Variants in MEMO1 observed in about 807,000 individuals in gnomAD.
MEMO1 encodes the protein protein MEMO1.
Under a neutral mutation model 45.2 loss-of-function variants are expected in MEMO1, and 6 were observed. The observed-to-expected ratio is 0.13, with a 90% CI of 0.07 to 0.26. The LOEUF (loss-of-function observed/expected upper bound fraction) is 0.26, where lower values mean the gene tolerates loss of function less well. Among genes scored for constraint, MEMO1 ranks in the 10% least tolerant of loss-of-function variants. The pLI is 1.00. For synonymous variants in MEMO1, 78 were observed against 124.3 expected (o/e 0.63, Z 2.48); for missense variants, 184 against 370.5 (o/e 0.50, Z 4.13).
rs1207243094 is a variant in MEMO1 at position 31,868,282 on chromosome 2, A to C, written c.*79T>G. ...TTCAGAATCCCCCCAAACCAGGACC[A>C]GTATCGTGGTAAAGGCTAGGCTGGG... On this transcript the variant is annotated 3_prime_UTR_variant, in exon 10 of 10. Transcript: ENST00000404530. 1.5e-6 allele frequency: 2 copies of C among 1,340,592 alleles called. No individual in the cohort carries two copies. Among genetic ancestry groups the C allele is most frequent in the Non-Finnish European group, 9.6e-7 (1 of 1,038,116 alleles). The allele number at this position is 1,340,592 out of a possible 1,614,324, so 83.0% of individuals were successfully genotyped here.
chr2:31,918,714 T>C (rs2148161149), intron 5 of MEMO1, among the ~76,000 whole-genome samples: 1 of 152,284 alleles, frequency 6.6e-6, no homozygotes, highest in Admixed American at 6.5e-5. Flanking sequence ...AATTGAATAT[T>C]GTGGAACAAG....
chr2:31,910,895 T>C (rs981837642), intron 6 of MEMO1, among the ~76,000 whole-genome samples: 3 of 151,940 alleles, frequency 2.0e-5, no homozygotes, highest in African/African-American at 7.3e-5. Flanking sequence ...GTAAATTAGT[T>C]GTAAATGTAT....
intron 8 of MEMO1, among the ~76,000 whole-genome samples, chr2:31,882,722 T>C (rs1572559169): frequency 6.6e-6 from 1 of 152,170 alleles, no homozygotes; most frequent in African/African-American, 2.4e-5. Flanking sequence ...TCCTGCACAC[T>C]GTCATCATAA....
At chr2:31,958,787 G>A (rs1288284952) in intron 2 of MEMO1, among the ~76,000 whole-genome samples, 1 of 152,138 alleles carries the variant, frequency 6.6e-6, no homozygotes, top group Non-Finnish European at 1.5e-5. Flanking sequence ...GAGTAGCTGG[G>A]ACCACAGGTA....
chr2:31,945,396 G>T (rs1192776989), intron 2 of MEMO1, among the ~76,000 whole-genome samples: 6 of 152,104 alleles, frequency 3.9e-5, no homozygotes, highest in African/African-American at 1.4e-4. Flanking sequence ...GAATCAGAGG[G>T]TGTACTCTTC....
At chr2:31,921,737 A>AT (rs1281594760) in intron 4 of MEMO1, among the ~76,000 whole-genome samples, 2 of 152,174 alleles carry the variant, frequency 1.3e-5, no homozygotes, top group African/African-American at 4.8e-5. Context: ...AGCTATTTCC[A>AT]TATTTCTTCC....
intron 6 of MEMO1, among the ~76,000 whole-genome samples, chr2:31,908,975 T>C (rs902287540): frequency 3.3e-5 from 5 of 152,230 alleles, no homozygotes; most frequent in Non-Finnish European, 5.9e-5. Flanking sequence ...TTATAGAATG[T>C]GTCTCCTCTC....
intron 6 of MEMO1, among the ~76,000 whole-genome samples, chr2:31,915,237 T>C (rs1362343746): frequency 1.3e-5 from 2 of 152,124 alleles, no homozygotes; most frequent in Admixed American, 6.5e-5. Context: ...CCTAGGGTCA[T>C]AGCAAGTAAG....
At chr2:31,959,354 G>A (rs996487706) in intron 2 of MEMO1, among the ~76,000 whole-genome samples, 1 of 152,120 alleles carries the variant, frequency 6.6e-6, no homozygotes, top group African/African-American at 2.4e-5. Flanking sequence ...GGGCAGAGAA[G>A]TAAGAAGTTG....
intron 2 of MEMO1, among the ~76,000 whole-genome samples, chr2:31,967,131 T>A (rs1448262126): frequency 6.6e-6 from 1 of 151,718 alleles, no homozygotes; most frequent in East Asian, 1.9e-4. Context: ...TTTATTTTTT[T>A]TTTTTTTTTG....
intron 5 of MEMO1, among the ~76,000 whole-genome samples, chr2:31,918,729 A>C (rs1315413008): frequency 6.6e-6 from 1 of 152,194 alleles, no homozygotes; most frequent in Non-Finnish European, 1.5e-5. Flanking sequence ...AACAAGAAAA[A>C]GATAAAAGTT....
intron 8 of MEMO1, among the ~76,000 whole-genome samples, chr2:31,876,721 CTAAA>C (rs972315039): frequency 7.2e-4 from 110 of 152,166 alleles, no homozygotes; most frequent in African/African-American, 2.4e-3. Context: ...TCCTTATGGC[CTAAA>C]TAAATAATGC....
intron 6 of MEMO1, among the ~76,000 whole-genome samples, chr2:31,914,508 A>T (rs1681113193): frequency 1.3e-5 from 2 of 152,226 alleles, no homozygotes; most frequent in African/African-American, 4.8e-5. Context: ...ATTGTCTGGA[A>T]CACTAAAGAT....
intron 2 of MEMO1, among the ~76,000 whole-genome samples, chr2:31,978,715 TG>T (rs1279744713): frequency 2.6e-5 from 4 of 152,210 alleles, no homozygotes; most frequent in Non-Finnish European, 5.9e-5. Flanking sequence ...CCACCGTGCC[TG>T]GCCTAAAATG....
At chr2:31,920,656 G>T in intron 5 of MEMO1, 142 bp downstream of exon 5, 1 of 413,176 alleles carries the variant, frequency 2.4e-6, no homozygotes, top group African/African-American at 2.1e-5. Flanking sequence ...TTTTTTTGCT[G>T]TTTTATGCAG....
chr2:31,921,098 T>C (rs917012602), intron 4 of MEMO1, among the ~76,000 whole-genome samples, 188 bp from the exon 5 acceptor site: 1 of 152,172 alleles, frequency 6.6e-6, no homozygotes, highest in East Asian at 1.9e-4. Flanking sequence ...GCACAGACTG[T>C]AGTGCTATTT....
At chr2:31,876,665 T>C (rs1674613042) in intron 8 of MEMO1, among the ~76,000 whole-genome samples, 1 of 152,132 alleles carries the variant, frequency 6.6e-6, no homozygotes, top group African/African-American at 2.4e-5. Flanking sequence ...ATATCCCTAA[T>C]AGAATTTATT....
intron 2 of MEMO1, among the ~76,000 whole-genome samples, chr2:31,946,656 G>T (rs1666231277): frequency 6.6e-6 from 1 of 152,060 alleles, no homozygotes; most frequent in African/African-American, 2.4e-5. Context: ...GAGCTCAGTA[G>T]ATCAAGACCA....
intron 2 of MEMO1, among the ~76,000 whole-genome samples, chr2:31,951,696 C>A (rs1666870497): frequency 6.6e-6 from 1 of 152,066 alleles, no homozygotes; most frequent in Non-Finnish European, 1.5e-5. Context: ...CCGCACCCGG[C>A]TAATTTTTGT....
Sources: allele counts gnomAD v4.1 joint callset (sites outside exome capture counted in the v4.1 genomes callset), GRCh38; gene constraint gnomAD v4.1.1; transcripts MANE v1.5; gene names NCBI Gene and HGNC (gene_info 2026-07-23, HGNC 2026-07-21).